PALS1: variants seen among roughly 807,000 people sequenced by gnomAD.
PALS1 encodes the protein protein associated with LIN7 1, MAGUK p55 family member.
PALS1 carries 31 observed loss-of-function variants against 78.9 expected under a neutral mutation model. The ratio of observed to expected loss-of-function variants is 0.39; its 90% CI spans 0.30 to 0.53. The LOEUF (loss-of-function observed/expected upper bound fraction) is 0.53. Among genes scored for constraint, PALS1 ranks in the 20% least tolerant of loss-of-function variants. The pLI is 0.67. For synonymous variants in PALS1, 276 were observed against 270.9 expected, an observed-to-expected ratio of 1.02 and a Z score of -0.18; for missense variants, 704 against 826.5, an observed-to-expected ratio of 0.85 and a Z score of 1.82.
chr14:67,242,039 T>C (rs1011725795), intron 1 of PALS1: 1 of 152,262 alleles, frequency 6.6e-6, no homozygotes, highest in African/African-American at 2.4e-5. Context: ...TGCTTCCTTG[T>C]GACCACTTTA....
intron 4 of PALS1, among the ~76,000 whole-genome samples, chr14:67,300,796 T>A (rs1474150704): frequency 6.6e-6 from 1 of 152,188 alleles, no homozygotes; most frequent in African/African-American, 2.4e-5. Context: ...TTATGGTGAT[T>A]GTTCCATTAC....
intron 2 of PALS1, among the ~76,000 whole-genome samples, chr14:67,276,437 A>C (rs1424694182): frequency 6.6e-6 from 1 of 152,162 alleles, no homozygotes; most frequent in African/African-American, 2.4e-5. Flanking sequence ...ATTTCAAAGA[A>C]ATGTATCCTT....
chr14:67,300,300 G>A (rs2084913375), intron 4 of PALS1, among the ~76,000 whole-genome samples: 1 of 151,086 alleles, frequency 6.6e-6, no homozygotes, highest in South Asian at 2.1e-4. Context: ...AGCCATAAAA[G>A]GTATAGAATT....
At position 67,317,404 on chromosome 14, in the gene PALS1, A is replaced by G; in HGVS notation, c.1298-4A>G. 3 of 1,608,634 alleles carry G rather than the reference A, an allele frequency of 1.9e-6. No individual in the cohort carries two copies. The highest frequency in any genetic ancestry group is 1.7e-6 in the Non-Finnish European group (2 of 1,177,402). On this transcript the variant is annotated splice_region_variant and splice_polypyrimidine_tract_variant and intron_variant, in intron 10 of 14. Coordinates refer to ENST00000261681, the MANE Select transcript of PALS1 (RefSeq NM_022474.4). The stretch of plus-strand genomic sequence containing the variant: ...TTATAGTTATGTTTATGATTGCTCA[A>G]CAGGAAAACTGTGGTGTGCAAAGAA...
intron 8 of PALS1, among the ~76,000 whole-genome samples, chr14:67,311,232 A>T (rs921016034): frequency 2.0e-5 from 3 of 147,130 alleles, no homozygotes; most frequent in African/African-American, 7.6e-5. Context: ...AATCACTTGA[A>T]CCCGGGAGAT....
At chr14:67,253,337 T>A (rs1348456659) in intron 1 of PALS1, among the ~76,000 whole-genome samples, 4 of 152,232 alleles carry the variant, frequency 2.6e-5, no homozygotes, top group Non-Finnish European at 4.4e-5. Context: ...TAATGATGAA[T>A]AATTATAATT....
intron 2 of PALS1, among the ~76,000 whole-genome samples, chr14:67,272,515 G>C (rs1189197543): frequency 6.6e-6 from 1 of 152,170 alleles, no homozygotes; most frequent in Admixed American, 6.5e-5. Flanking sequence ...GTAAATGTTA[G>C]CTATAGTTGT....
intron 3 of PALS1, among the ~76,000 whole-genome samples, chr14:67,284,547 T>TAGAAAAAAAAAA (rs2084651623): frequency 4.3e-5 from 1 of 23,296 alleles, no homozygotes; most frequent in Non-Finnish European, 9.8e-5. Context: ...GCTGCAGTGC[T>TAGAAAAAAAAAA]AAAAAAAAAA....
At chr14:67,282,774 G>A (rs375742639) in intron 3 of PALS1, among the ~76,000 whole-genome samples, 1 of 152,022 alleles carries the variant, frequency 6.6e-6, no homozygotes, top group Non-Finnish European at 1.5e-5. Context: ...TATTGTCTTT[G>A]TTCTCTTTCA....
At chr14:67,307,075 CTT>C (rs59429128) in intron 8 of PALS1, among the ~76,000 whole-genome samples, 23,449 of 152,046 alleles carry the variant, frequency 0.15, 3,395 homozygotes, top group East Asian at 0.42. Flanking sequence ...GAAGTGCTCT[CTT>C]GAGTTCTTAA....
At chr14:67,255,728 T>C (rs942329886) in intron 1 of PALS1, among the ~76,000 whole-genome samples, 4 of 152,246 alleles carry the variant, frequency 2.6e-5, no homozygotes, top group Non-Finnish European at 5.9e-5. Flanking sequence ...TTGCCCAGGC[T>C]GTAGTGCAGT....
At chr14:67,254,787 A>G (rs1297706057) in intron 1 of PALS1, among the ~76,000 whole-genome samples, 1 of 152,220 alleles carries the variant, frequency 6.6e-6, no homozygotes, top group African/African-American at 2.4e-5. Flanking sequence ...AGAGGTAATC[A>G]TCTACTAATT....
intron 9 of PALS1, among the ~76,000 whole-genome samples, chr14:67,316,222 G>A (rs984906815): frequency 6.6e-6 from 1 of 152,122 alleles, no homozygotes; most frequent in Non-Finnish European, 1.5e-5. Context: ...CTCTTTCAAG[G>A]TCAGGAACCT....
chr14:67,278,464 G>A (rs982043167), intron 2 of PALS1, among the ~76,000 whole-genome samples: 1 of 151,808 alleles, frequency 6.6e-6, no homozygotes, highest in African/African-American at 2.4e-5. Flanking sequence ...CGTTGGGCAT[G>A]TTCTCCATCT....
intron 10 of PALS1, among the ~76,000 whole-genome samples, chr14:67,317,146 G>GTA (rs1416656099): frequency 6.6e-6 from 1 of 152,152 alleles, no homozygotes; most frequent in Non-Finnish European, 1.5e-5. Flanking sequence ...TATACAAACA[G>GTA]TGTAATAAGT....
At chr14:67,265,907 C>T (rs1199120759) in intron 1 of PALS1, among the ~76,000 whole-genome samples, 3 of 150,694 alleles carry the variant, frequency 2.0e-5, no homozygotes, top group African/African-American at 7.3e-5. Flanking sequence ...AGGACATTTG[C>T]ACTTGGTCTT....
At chr14:67,303,713 T>C (rs2084961394) in intron 8 of PALS1, 114 bp downstream of exon 8, 6 of 718,222 alleles carry the variant, frequency 8.4e-6, no homozygotes, top group Non-Finnish European at 1.4e-5. Flanking sequence ...AATTCAATCA[T>C]TTTTATTTAA....
chr14:67,309,858 A>G (rs975149155), intron 8 of PALS1, among the ~76,000 whole-genome samples: 3 of 152,170 alleles, frequency 2.0e-5, no homozygotes, highest in Admixed American at 6.5e-5. Context: ...CATACTGGGT[A>G]GGCTTTCAGA....
intron 2 of PALS1, chr14:67,271,474 A>C (rs2084405903): frequency 6.6e-6 from 1 of 152,204 alleles, no homozygotes; most frequent in Non-Finnish European, 1.5e-5. Flanking sequence ...TAGTCTGATG[A>C]GATAGAAAGG....
Sources: allele counts gnomAD v4.1 joint callset (sites outside exome capture counted in the v4.1 genomes callset), GRCh38; gene constraint gnomAD v4.1.1; transcripts MANE v1.5; gene names NCBI Gene and HGNC (gene_info 2026-07-23, HGNC 2026-07-21).